Variants in EIF4G2 observed in about 807,000 individuals in gnomAD.
EIF4G2 encodes eukaryotic translation initiation factor 4 gamma 2.
In EIF4G2, 8 loss-of-function variants were observed where a neutral mutation model predicts 117.7. That is an observed-to-expected ratio of 0.07 (90% confidence interval 0.04 to 0.12). The LOEUF (loss-of-function observed/expected upper bound fraction) is 0.12, where lower values mean the gene tolerates loss of function less well. Ranked by LOEUF, EIF4G2 falls within the 10% of genes least tolerant of loss-of-function variation. The probability of loss-of-function intolerance (pLI) is 1.00; values close to 1 mark genes in which losing one functional copy is unlikely to be tolerated. For missense variants in EIF4G2, 812 were observed against 1,086.2 expected (o/e 0.75, Z 3.55); for synonymous variants, 413 against 367.8 (o/e 1.12, Z -1.41).
intron 21 of EIF4G2, chr11:10,798,747 G>A: frequency 2.7e-6 from 1 of 369,868 alleles, no homozygotes; most frequent in Non-Finnish European, 4.8e-6. Context: ...TCACTCCCAT[G>A]TATATAAGTA....
Position 10,804,011 on chromosome 11 carries a change from T to C in EIF4G2, c.590A>G (p.Glu197Gly). Residue 197 changes from glutamate to glycine, a missense_variant, in exon 8 of 22, where the codon GAG becomes GGG. Glu to Gly is a moderately conservative substitution (Grantham distance 98). This residue lies in a region of EIF4G2 where 154 missense variants were observed against 322.1 expected (regional missense o/e 0.48). Coordinates refer to ENST00000339995, the MANE Select transcript of EIF4G2 (RefSeq NM_001418.4). ...GATCTTAGCAATGGCTCTCTGTTCC[T>C]CCTCCTCGGGGAGGAGGGGATTTTC... The C allele has an allele frequency of 6.2e-7, 1 of 1,614,106 alleles. No individual in the cohort carries two copies. The highest frequency in any genetic ancestry group is 8.5e-7 in the Non-Finnish European group (1 of 1,180,014).
In EIF4G2 at chr11:10,798,987, C is replaced by T. The variant is rs770098393; in HGVS notation, c.2658+5G>A. 7 of 1,589,824 alleles carry T rather than the reference C, an allele frequency of 4.4e-6. No individual in the cohort carries two copies. The South Asian group carries it at 4.6e-5, about 10-fold the overall frequency. On this transcript the variant is annotated splice_donor_5th_base_variant and intron_variant, in intron 21 of 21. Transcript: ENST00000339995. ...AGCAGACCAAATTTTTAACAAAAGA[C>T]TTACCTGGAACAAAGCCTTGCCTTT...
intron 2 of EIF4G2, 146 bp downstream of exon 2, chr11:10,807,109 T>G: frequency 7.9e-7 from 1 of 1,261,982 alleles, no homozygotes; most frequent in Non-Finnish European, 1.1e-6. Context: ...ATTCTTCAGA[T>G]GGCAGTTCTT....
chr11:10,806,406 G>C, intron 3 of EIF4G2: 1 of 320,200 alleles, frequency 3.1e-6, no homozygotes, highest in Non-Finnish European at 5.9e-6. Context: ...CAAACTCTTG[G>C]GTTCAAGCGA....
chr11:10,798,890 T>C, intron 21 of EIF4G2, 102 bp downstream of exon 21: 6 of 1,382,120 alleles, frequency 4.3e-6, no homozygotes, highest in Non-Finnish European at 5.9e-6. Context: ...AACTACTAAC[T>C]AGGACTACCT....
chr11:10,801,917 T>A (rs1172539644), intron 13 of EIF4G2, 132 bp downstream of exon 13: 1 of 1,072,770 alleles, frequency 9.3e-7, no homozygotes, highest in Non-Finnish European at 1.4e-6. Flanking sequence ...CAGGGAAGAA[T>A]AAAAATCTAA....
Position 10,799,438 on chromosome 11 carries a change from G to C in EIF4G2, c.2325-14C>G. ...TACTGTAAGAAGCTGGACAGAAAGA[G>C]GTCTTGTTAGAACCCAACAGTGAGT... On this transcript the variant is annotated splice_polypyrimidine_tract_variant and intron_variant, in intron 19 of 21. Coordinates refer to ENST00000339995, the MANE Select transcript of EIF4G2 (RefSeq NM_001418.4). 1 of 1,611,626 alleles carries C rather than the reference G, an allele frequency of 6.2e-7. No homozygotes were observed. The highest frequency in any genetic ancestry group is 1.1e-5 in the South Asian group (1 of 91,074).
intron 15 of EIF4G2, 54 bp from the exon 16 acceptor site, chr11:10,800,889 G>A: frequency 6.2e-7 from 1 of 1,612,328 alleles, no homozygotes; most frequent in African/African-American, 1.3e-5. Context: ...TGAAATTAGG[G>A]GGAAGAACAC....
chr11:10,801,239 A>G, intron 14 of EIF4G2, 152 bp from the exon 15 acceptor site: 5 of 1,123,120 alleles, frequency 4.5e-6, no homozygotes, highest in Non-Finnish European at 6.1e-6. Context: ...TAACAGGTTT[A>G]ATTTTTGGCA....
chr11:10,802,009 G>A (rs1252965817), intron 13 of EIF4G2, 40 bp downstream of exon 13: 4 of 22,090 alleles, frequency 1.8e-4, no homozygotes, highest in African/African-American at 9.2e-4. Flanking sequence ...AAATGTTGCA[G>A]ATAAGGTTTA....
At chr11:10,799,168 T>C in intron 20 of EIF4G2, 45 bp downstream of exon 20, 1 of 1,612,240 alleles carries the variant, frequency 6.2e-7, no homozygotes, top group Non-Finnish European at 8.5e-7. Flanking sequence ...TAGTGTTCTG[T>C]TTAAGAACTT....
intron 18 of EIF4G2, 107 bp from the exon 19 acceptor site, chr11:10,799,863 G>T: frequency 7.4e-7 from 1 of 1,354,352 alleles, no homozygotes; most frequent in Non-Finnish European, 1.0e-6. Context: ...TAAGATCCAT[G>T]TAGCAGAATA....
intron 2 of EIF4G2, 110 bp downstream of exon 2, chr11:10,807,145 A>T (rs1424970778): frequency 4.1e-6 from 6 of 1,474,316 alleles, no homozygotes; most frequent in Non-Finnish European, 5.5e-6. Flanking sequence ...AAAACTTAAG[A>T]ACTTTTCAAA....
Position 10,801,224 on chromosome 11 carries a change from C to A in EIF4G2, c.1414-137G>T, listed in dbSNP as rs1590040619. On this transcript the variant is annotated intron_variant, in intron 14 of 21. Coordinates refer to ENST00000339995, the MANE Select transcript of EIF4G2 (RefSeq NM_001418.4). ...TTTTGAAAAACTAAAGAAGGTACTC[C>A]ACATTAACAGGTTTAATTTTTGGCA... The A allele has an allele frequency of 7.0e-6, 9 of 1,285,120 alleles. No individual in the cohort carries two copies. In the East Asian group the frequency reaches 2.2e-4, roughly 32 times the overall value. 79.6% of individuals were successfully genotyped at this position (1,285,120 alleles called of 1,614,324 possible).
At chr11:10,807,407 T>C (rs1564985994) in intron 1 of EIF4G2, 26 bp from the exon 2 acceptor site, 1 of 1,580,506 alleles carries the variant, frequency 6.3e-7, no homozygotes, top group Non-Finnish European at 8.5e-7. Flanking sequence ...GCACCAAAAT[T>C]AGACACTGCT....
At chr11:10,804,110 G>A (rs1308713732) in intron 7 of EIF4G2, 27 bp downstream of exon 7, 1 of 1,613,800 alleles carries the variant, frequency 6.2e-7, no homozygotes, top group Non-Finnish European at 8.5e-7. Flanking sequence ...ATATACAGTA[G>A]TACTTATTAT....
chr11:10,800,364 C>A lies in EIF4G2; in HGVS notation c.1861-16G>T, dbSNP rs187009796. 4 of 1,613,086 alleles carry A rather than the reference C, an allele frequency of 2.5e-6. No homozygotes were observed. The highest frequency in any genetic ancestry group is 2.2e-5 in the South Asian group (2 of 91,066). On this transcript the variant is annotated splice_polypyrimidine_tract_variant and intron_variant, in intron 17 of 21. Coordinates refer to ENST00000339995, the MANE Select transcript of EIF4G2 (RefSeq NM_001418.4). ...TCAGGAAAGCCTTGAAAGAAATATA[C>A]AACAGTTTATCAGTTTTCGAATTTG...
chr11:10,798,483 C>A (rs1420013343), intron 21 of EIF4G2, among the ~76,000 whole-genome samples: 1 of 152,124 alleles, frequency 6.6e-6, no homozygotes, highest in Non-Finnish European at 1.5e-5. Context: ...ACCTCTGCCT[C>A]CTGGGCTCAA....
At chr11:10,798,230 T>G (rs901228017) in intron 21 of EIF4G2, among the ~76,000 whole-genome samples, 1 of 152,286 alleles carries the variant, frequency 6.6e-6, no homozygotes, top group East Asian at 1.9e-4. Flanking sequence ...AACCAGAATC[T>G]CTAGGAATAG....
Sources: gnomAD v4.1 joint callset for allele counts (sites outside exome capture counted in the v4.1 genomes callset) on GRCh38, gnomAD v4.1.1 for gene constraint, gnomAD v4.1.1 regional missense constraint, MANE v1.5 for transcripts, NCBI Gene and HGNC (gene_info 2026-07-23, HGNC 2026-07-21) for gene names.